MEST: variants seen among roughly 807,000 people sequenced by gnomAD.
MEST encodes the protein mesoderm-specific transcript homolog protein.
Under a neutral mutation model 50.9 loss-of-function variants are expected in MEST, and 18 were observed. That is an observed-to-expected ratio of 0.35 (90% CI 0.24 to 0.52). The LOEUF is 0.52. Ranked by LOEUF, MEST falls within the 20% of genes least tolerant of loss-of-function variation. The probability of loss-of-function intolerance (pLI) is 0.94; values close to 1 mark genes in which losing one functional copy is unlikely to be tolerated. For missense variants in MEST, 282 were observed against 425.3 expected (o/e 0.66, Z 2.96); for synonymous variants, 130 against 154.1 (o/e 0.84, Z 1.16).
chr7:130,498,588 CT>C (rs1473781728), intron 6 of MEST, 111 bp downstream of exon 6: 2 of 994,008 alleles, frequency 2.0e-6, no homozygotes, highest in Non-Finnish European at 3.1e-6. Context: ...CATAATTAAA[CT>C]ATGGGATCTC....
At chr7:130,495,346 T>C in intron 1 of MEST, 22 bp from the exon 2 acceptor site, 1 of 1,585,566 alleles carries the variant, frequency 6.3e-7, no homozygotes, top group Non-Finnish European at 8.6e-7. Context: ...CTGCTTACAG[T>C]GGGTCTCTGC....
At chr7:130,486,312 C>G (rs1554433654) in exon 1 of MEST, 6 of 152,248 alleles carry the variant, frequency 3.9e-5, no homozygotes, top group Non-Finnish European at 8.8e-5. Flanking sequence ...GGGTGAAGGC[C>G]GAGAACCTCT....
At position 130,498,147 on chromosome 7, in the gene MEST, T is replaced by G; in HGVS notation, c.348T>G (p.His116Gln). ...GFGFSDKPRPHHYSIFEQASI... is the reference protein window; with the variant it reads ...GFGFSDKPRPQHYSIFEQASI... ...GGCTTTCCTTTCCTCAGAGACCACA[T>G]CACTATTCCATATTTGAGCAGGCCA... The change falls in exon 5 of 12, where the codon CAT becomes CAG. Residue 116 changes from histidine (H) to glutamine (Q), a missense_variant. Transcript: ENST00000223215. 1 of 1,614,130 alleles carries G rather than the reference T, an allele frequency of 6.2e-7. No homozygotes were observed. The highest frequency in any genetic ancestry group is 8.5e-7 in the Non-Finnish European group (1 of 1,180,022).
intron 2 of MEST, chr7:130,495,846 T>G: frequency 3.6e-6 from 1 of 274,182 alleles, no homozygotes; most frequent in Non-Finnish European, 6.9e-6. Flanking sequence ...CCACCATTGG[T>G]TCTCTCTCCT....
At chr7:130,490,210 A>G (rs1013697328), upstream of MEST, among the ~76,000 whole-genome samples, 4 of 152,236 alleles carry the variant, frequency 2.6e-5, no homozygotes, top group African/African-American at 7.2e-5. Flanking sequence ...TAAGTAACCA[A>G]TTAAGGCCAT....
chr7:130,497,799 C>A lies in MEST; in HGVS notation c.262-137C>A. The A allele has an allele frequency of 1.3e-6, 1 of 747,436 alleles. No individual in the cohort carries two copies. Among genetic ancestry groups the A allele is most frequent in the South Asian group, 1.6e-5 (1 of 62,290 alleles). 46.3% of individuals were successfully genotyped at this position (747,436 alleles called of 1,614,324 possible). A position where few individuals can be genotyped will look rare whatever the true frequency, so the allele number is the denominator to read the frequency against. On this transcript the variant is annotated intron_variant, in intron 3 of 11. Coordinates refer to ENST00000223215, the MANE Select transcript of MEST (RefSeq NM_002402.4). The surrounding 1 kb of genome is among the most constrained non-coding windows in gnomAD (Gnocchi z 4.0). The stretch of plus-strand genomic sequence containing the variant: ...TTTCCAAGAGGATCATCTGTGGGAC[C>A]TGTGGTAGTTTCATGGCGTTTTCTC...
rs202039826 is a variant in MEST, at chr7:130,499,188, CCT to C, written c.536-686_536-685del. On this transcript the variant is annotated intron_variant, in intron 6 of 11. Coordinates refer to ENST00000223215, the MANE Select transcript of MEST (RefSeq NM_002402.4). ...AGTTTCAGTTAGAAAATACCGAACC[CCT>C]GATTAGACTTTCTGGGTAGCCAGCT... 8.2e-3 allele frequency among the ~76,000 whole-genome samples: 1,255 copies of C among 152,224 alleles called. 10 individuals carry two copies. The highest frequency in any genetic ancestry group is 0.034 in the Middle Eastern group (10 of 294).
chr7:130,495,214 A>G (rs1554436476), intron 1 of MEST, 154 bp from the exon 2 acceptor site: 2 of 663,102 alleles, frequency 3.0e-6, no homozygotes, highest in Non-Finnish European at 4.9e-6. Flanking sequence ...CAGAGGTTTG[A>G]TTATAGTCTC....
chr7:130,499,780 T>A (rs1359220339), intron 6 of MEST, 95 bp from the exon 7 acceptor site: 7 of 994,568 alleles, frequency 7.0e-6, no homozygotes, highest in Non-Finnish European at 8.9e-6. Context: ...TTGCTTGAGC[T>A]CGAGACCAGC....
In MEST at chr7:130,506,390, A is replaced by G. The variant is rs1799482090; in HGVS notation, c.*1334A>G. On this transcript the variant is annotated 3_prime_UTR_variant, in exon 12 of 12. Coordinates refer to ENST00000223215, the MANE Select transcript of MEST (RefSeq NM_002402.4). ...TTTCAGGTACACATTAAAGAATAAA[A>G]TGAAGTTAAGCAGCTGGAGTATAGG... The G allele has an allele frequency of 6.6e-6, 1 of 151,480 alleles. No homozygotes were observed. Among genetic ancestry groups the G allele is most frequent in the Non-Finnish European group, 1.4e-5 (1 of 69,800 alleles). 9.4% of individuals were successfully genotyped at this position (151,480 alleles called of 1,614,324 possible).
At chr7:130,491,349 G>A (rs1346003831), upstream of MEST, 4 of 152,418 alleles carry the variant, frequency 2.6e-5, no homozygotes, top group Admixed American at 2.0e-4. The surrounding 1 kb of genome is among the most constrained non-coding windows in gnomAD (Gnocchi z 6.8). Context: ...GTGGCCAGGC[G>A]TCTGGCATGC....
At chr7:130,494,883 G>C (rs1290474460) in intron 1 of MEST, 1 of 967,114 alleles carries the variant, frequency 1.0e-6, no homozygotes. Flanking sequence ...TTTAAAACAT[G>C]AGATATAGCA....
chr7:130,491,072 C>A (rs1428915325), upstream of MEST: 1 of 152,334 alleles, frequency 6.6e-6, no homozygotes, highest in Admixed American at 6.5e-5. This position sits in a 1 kb window ranked among gnomAD's most constrained non-coding sequence, Gnocchi z 6.8. Context: ...CCCGCTCGCA[C>A]CCCACGTTTG....
chr7:130,503,438 AC>A (rs1429257664), intron 10 of MEST, among the ~76,000 whole-genome samples: 1 of 152,218 alleles, frequency 6.6e-6, no homozygotes, highest in Non-Finnish European at 1.5e-5. Context: ...ATGAACTGGT[AC>A]GTGCCTAGCA....
intron 9 of MEST, among the ~76,000 whole-genome samples, chr7:130,501,700 A>C (rs1204868190): frequency 1.3e-5 from 2 of 152,158 alleles, no homozygotes; most frequent in African/African-American, 2.4e-5. Flanking sequence ...CAACATCTAC[A>C]CTTAGAATTT....
rs574888241 is a variant in MEST at position 130,492,684 on chromosome 7, C to T, written c.26+345C>T. ...TGATGCGAATTGGGATTTTTAGATC[C>T]TGGCATCACCCTGGTGCGATTTAGG... On this transcript the variant is annotated intron_variant, in intron 1 of 11. Transcript: ENST00000223215. The surrounding 1 kb of genome is among the most constrained non-coding windows in gnomAD (Gnocchi z 7.6). 7 of 250,808 alleles carry T rather than the reference C, an allele frequency of 2.8e-5. No individual in the cohort carries two copies. The highest frequency in any genetic ancestry group is 1.3e-4 in the African/African-American group (6 of 44,838). 15.5% of individuals were successfully genotyped at this position (250,808 alleles called of 1,614,324 possible). A position where few individuals can be genotyped will look rare whatever the true frequency, so the allele number is the denominator to read the frequency against.
chr7:130,496,116 T>G (rs1554436893), intron 2 of MEST: 1 of 471,374 alleles, frequency 2.1e-6, no homozygotes, highest in Admixed American at 2.4e-5. Context: ...TGATTTGTTT[T>G]GAGCGGGGGT....
At chr7:130,490,184 CTAATT>C (rs1241214436), upstream of MEST, among the ~76,000 whole-genome samples, 1 of 152,114 alleles carries the variant, frequency 6.6e-6, no homozygotes, top group African/African-American at 2.4e-5. Context: ...TGTAAAGAGA[CTAATT>C]TAAATTTTGT....
chr7:130,503,408 G>A (rs1799350586), intron 10 of MEST, among the ~76,000 whole-genome samples: 1 of 151,984 alleles, frequency 6.6e-6, no homozygotes, highest in South Asian at 2.1e-4. Context: ...GTTGTCTGTA[G>A]GAGGAGATGT....
Sources: allele counts gnomAD v4.1 joint callset (sites outside exome capture counted in the v4.1 genomes callset), GRCh38; gene constraint gnomAD v4.1.1; non-coding constraint Gnocchi (gnomAD v3.1); transcripts MANE v1.5; gene names NCBI Gene and HGNC (gene_info 2026-07-23, HGNC 2026-07-21).